SMYD4: variants seen among roughly 807,000 people sequenced by gnomAD.
SMYD4 encodes protein-lysine N-methyltransferase SMYD4.
A neutral mutation model predicts 72.8 loss-of-function variants in SMYD4; 68 were observed. The observed-to-expected ratio is 0.93, with a 90% CI of 0.77 to 1.14. SMYD4 has a LOEUF of 1.14. SMYD4 is among the 50% of genes most tolerant of loss of function. The probability of loss-of-function intolerance (pLI) is 0.00; values close to 1 mark genes in which losing one functional copy is unlikely to be tolerated. For synonymous variants in SMYD4, 407 were observed against 388.6 expected (o/e 1.05, Z -0.56); for missense variants, 984 against 1,003.7 (o/e 0.98, Z 0.27).
intron 2 of SMYD4, among the ~76,000 whole-genome samples, chr17:1,820,371 C>G (rs1260846016): frequency 6.6e-6 from 1 of 151,978 alleles, no homozygotes; most frequent in Non-Finnish European, 1.5e-5. Flanking sequence ...TCCCAAATAG[C>G]TATGGCTACA....
Position 1,787,524 on chromosome 17 carries a change from G to T in SMYD4, c.1618C>A (p.His540Asn). ...GIFPVISLLN[H>N]SCSPNTSVSF... ...ACGCTGGTGTTGGGGCTACAGGAGT[G>T]GTTCAGGAGGCTGATAACAGGGAAG... The change falls in exon 6 of 11, where the codon CAC (histidine) becomes AAC (asparagine). Residue 540 changes from histidine (H) to asparagine (N), a missense_variant. Transcript: ENST00000305513. The T allele has an allele frequency of 6.3e-7, 1 of 1,591,648 alleles. No individual in the cohort carries two copies. The highest frequency in any genetic ancestry group is 8.6e-7 in the Non-Finnish European group (1 of 1,169,284).
intron 3 of SMYD4, among the ~76,000 whole-genome samples, chr17:1,807,585 A>G (rs904787885): frequency 5.9e-5 from 9 of 152,010 alleles, no homozygotes; most frequent in East Asian, 3.9e-4. Context: ...CTGGTCTTCA[A>G]CTTCCAACCT....
At chr17:1,784,487 T>C (rs1908544965) in intron 7 of SMYD4, 26 bp from the exon 8 acceptor site, 1 of 1,613,530 alleles carries the variant, frequency 6.2e-7, no homozygotes, top group Non-Finnish European at 8.5e-7. Flanking sequence ...TTCTCTTTAT[T>C]CCAATGCCAG....
chr17:1,810,157 G>C (rs1039174555), intron 3 of SMYD4, among the ~76,000 whole-genome samples: 1 of 152,182 alleles, frequency 6.6e-6, no homozygotes, highest in Non-Finnish European at 1.5e-5. Context: ...GACAAAAATG[G>C]CATGTAGTTC....
At chr17:1,799,794 T>G in intron 5 of SMYD4, 63 bp downstream of exon 5, 1 of 1,449,308 alleles carries the variant, frequency 6.9e-7, no homozygotes, top group Non-Finnish European at 9.2e-7. Context: ...GAATTGTTTC[T>G]TCTCAAACAC....
At chr17:1,799,278 T>G (rs2151232881) in intron 5 of SMYD4, among the ~76,000 whole-genome samples, 1 of 152,066 alleles carries the variant, frequency 6.6e-6, no homozygotes, top group East Asian at 1.9e-4. Flanking sequence ...AAAAAAGAAT[T>G]TTTACAAACA....
intron 10 of SMYD4, 67 bp from the exon 11 acceptor site, chr17:1,781,506 C>G: frequency 6.5e-7 from 1 of 1,538,574 alleles, no homozygotes; most frequent in Non-Finnish European, 8.9e-7. Flanking sequence ...TGAGGGCCTA[C>G]TCACACACCG....
At chr17:1,823,142 G>C (rs1910974899) in intron 2 of SMYD4, among the ~76,000 whole-genome samples, 1 of 151,314 alleles carries the variant, frequency 6.6e-6, no homozygotes, top group African/African-American at 2.4e-5. Flanking sequence ...AGGCTGAGGC[G>C]GGTGGATCAT....
intron 5 of SMYD4, among the ~76,000 whole-genome samples, chr17:1,794,211 G>A (rs1387123038): frequency 8.8e-5 from 12 of 136,516 alleles, no homozygotes; most frequent in Admixed American, 4.7e-4. Context: ...CCAGGTTCAC[G>A]CCAGTCTCCT....
intron 5 of SMYD4, among the ~76,000 whole-genome samples, chr17:1,794,968 ACTCTTCTTGGTTATGTATTATTATTC>A (rs1188017922): frequency 7.9e-5 from 12 of 151,356 alleles, no homozygotes; most frequent in Admixed American, 3.3e-4. Flanking sequence ...TCTGGGAGAA[ACTCTTCTTGGTTATGTATTATTATTC>A]CTTCAATAAA....
At chr17:1,791,930 C>T (rs1000855798) in intron 5 of SMYD4, among the ~76,000 whole-genome samples, 1 of 151,968 alleles carries the variant, frequency 6.6e-6, no homozygotes, top group Non-Finnish European at 1.5e-5. Context: ...AAAAGGAATA[C>T]GTGGTAGTCA....
Position 1,809,438 on chromosome 17 carries a change from G to C in SMYD4, c.279+2533C>G, listed in dbSNP as rs1433913934. Among the ~76,000 whole-genome samples the C allele has an allele frequency of 5.3e-5, 8 of 151,110 alleles. No individual in the cohort carries two copies. In the South Asian group the frequency reaches 1.7e-3, roughly 32 times the overall value. Reference sequence around the variant, plus strand: ...CGCCCAGGCTGGAGTGCAGTGGTGCGATCTCGGCTCACTGCAACCTCTGCC... The same window carrying C: ...CGCCCAGGCTGGAGTGCAGTGGTGCCATCTCGGCTCACTGCAACCTCTGCC... On this transcript the variant is annotated intron_variant, in intron 3 of 10. Transcript: ENST00000305513.
At position 1,812,052 on chromosome 17, in the gene SMYD4, G is replaced by C. The variant is rs138201851; in HGVS notation, c.198C>G (p.Asp66Glu). The change falls in exon 3 of 11, where the codon GAC (aspartate) becomes GAG (glutamate). Residue 66 changes from aspartate to glutamate, a missense_variant. Transcript: ENST00000305513. ...SKGYLVGKDS[D>E]APLFYREEGN... The stretch of plus-strand genomic sequence containing the variant: ...CTTCTTCTCTGTAGAAAAGAGGAGC[G>C]TCCGAGTCCTTTCCCACCAAGTAAC... 31 of 1,613,934 alleles carry C rather than the reference G, an allele frequency of 1.9e-5. No homozygotes were observed. The highest frequency in any genetic ancestry group is 2.6e-5 in the Non-Finnish European group (31 of 1,180,018).
rs1458560573 is a variant in SMYD4 at position 1,819,965 on chromosome 17, T to G, written c.135-7850A>C. 2.6e-5 allele frequency among the ~76,000 whole-genome samples: 4 copies of G among 151,950 alleles called. No individual in the cohort carries two copies. In the East Asian group the frequency reaches 5.8e-4, roughly 22 times the overall value. On this transcript the variant is annotated intron_variant, in intron 2 of 10. Coordinates refer to ENST00000305513, the MANE Select transcript of SMYD4 (RefSeq NM_052928.3). ...ACCACGCCCAGCTAATTTTTGCATT[T>G]TTAGTAGAGATGGGGTTTTGCCATG...
At chr17:1,807,136 C>T (rs140147992) in intron 3 of SMYD4, among the ~76,000 whole-genome samples, 56 of 151,918 alleles carry the variant, frequency 3.7e-4, no homozygotes, top group African/African-American at 1.3e-3. Flanking sequence ...GTGATCCACC[C>T]GTCTCGGTCT....
intron 5 of SMYD4, among the ~76,000 whole-genome samples, chr17:1,797,316 G>A (rs1909456398): frequency 6.6e-6 from 1 of 152,128 alleles, no homozygotes; most frequent in Admixed American, 6.6e-5. Flanking sequence ...ATAATGAACG[G>A]ATTGAGTCAA....
At position 1,788,498 on chromosome 17, in the gene SMYD4, T is replaced by C. The variant is rs538286425; in HGVS notation, c.1538-894A>G. On this transcript the variant is annotated intron_variant, in intron 5 of 10. Transcript: ENST00000305513. ...CGGTGGCTCACGCCTGTAATCCCAG[T>C]ACTTTGGGAGGCCGAGGCGGGCAGA... Among the ~76,000 whole-genome samples, 135 of 152,054 alleles carry C rather than the reference T, an allele frequency of 8.9e-4. 1 individual carries two copies. Among genetic ancestry groups the C allele is most frequent in the East Asian group, 7.7e-4 (4 of 5,176 alleles).
At chr17:1,792,377 G>A (rs1163496693) in intron 5 of SMYD4, among the ~76,000 whole-genome samples, 2 of 151,808 alleles carry the variant, frequency 1.3e-5, no homozygotes, top group African/African-American at 4.8e-5. Flanking sequence ...GGTCGGGCAC[G>A]GTGGCTCACC....
intron 2 of SMYD4, among the ~76,000 whole-genome samples, chr17:1,812,528 A>G (rs1910380636): frequency 6.6e-6 from 1 of 150,658 alleles, no homozygotes; most frequent in Non-Finnish European, 1.5e-5. Context: ...CCTGGGCTCA[A>G]ATGATCAGCA....
Sources: gnomAD v4.1 joint callset for allele counts (sites outside exome capture counted in the v4.1 genomes callset) on GRCh38, gnomAD v4.1.1 for gene constraint, MANE v1.5 for transcripts, NCBI Gene and HGNC (gene_info 2026-07-23, HGNC 2026-07-21) for gene names.